The following HIPK2 variants were observed in gnomAD, a reference collection of about 807,000 sequenced individuals.
HIPK2 encodes homeodomain interacting protein kinase 2, also known as homeodomain-interacting protein kinase 2.
In HIPK2, 27 loss-of-function variants were observed where a neutral mutation model predicts 113.7. The observed-to-expected ratio is 0.24, with a 90% CI of 0.17 to 0.33. The LOEUF (loss-of-function observed/expected upper bound fraction) is 0.33, where lower values mean the gene tolerates loss of function less well. HIPK2 is among the 10% of genes least tolerant of loss of function. The pLI, the probability that HIPK2 is intolerant of heterozygous loss-of-function variation, is 1.00. For synonymous variants in HIPK2, 631 were observed against 642.2 expected, an observed-to-expected ratio of 0.98 and a Z score of 0.26; for missense variants, 1,257 against 1,588.0, an observed-to-expected ratio of 0.79 and a Z score of 3.54.
In HIPK2 at chr7:139,630,171, T is replaced by C. The variant is rs916797046; in HGVS notation, c.1347+994A>G. 2.0e-5 allele frequency among the ~76,000 whole-genome samples: 3 copies of C among 152,202 alleles called. No homozygotes were observed. The highest frequency in any genetic ancestry group is 4.4e-5 in the Non-Finnish European group (3 of 68,046). On this transcript the variant is annotated intron_variant, in intron 4 of 14. Coordinates refer to ENST00000406875, the MANE Select transcript of HIPK2 (RefSeq NM_022740.5). The surrounding 1 kb of genome is among the most constrained non-coding windows in gnomAD (Gnocchi z 4.0). ...TACCAGGAAAATACTTTGATTTTAA[T>C]TGCTAGGCACAGATCAAAGTGAAAG...
chr7:139,640,695 G>A (rs1056994436), intron 2 of HIPK2, among the ~76,000 whole-genome samples: 1 of 151,912 alleles, frequency 6.6e-6, no homozygotes, highest in African/African-American at 2.4e-5. Flanking sequence ...TGTTGTCCAG[G>A]CTGGAGTGCA....
chr7:139,562,533 G>C lies in HIPK2; in HGVS notation c.*10394C>G, dbSNP rs1015078824. ...TTTGGAAACGTGACAGAGTATCAGA[G>C]GCTGCAGCTCAGTACACGTGGTCAA... is the stretch of plus-strand genomic sequence containing the variant. On this transcript the variant is annotated 3_prime_UTR_variant, in exon 15 of 15. Coordinates refer to ENST00000406875, the MANE Select transcript of HIPK2 (RefSeq NM_022740.5). 1 of 152,222 alleles carries C rather than the reference G, an allele frequency of 6.6e-6. No individual in the cohort carries two copies. The highest frequency in any genetic ancestry group is 1.5e-5 in the Non-Finnish European group (1 of 68,060). The allele number at this position is 152,222 out of a possible 1,614,324, so 9.4% of individuals were successfully genotyped here.
At chr7:139,650,293 T>A (rs930908052) in intron 2 of HIPK2, among the ~76,000 whole-genome samples, 1 of 139,758 alleles carries the variant, frequency 7.2e-6, no homozygotes, top group East Asian at 2.1e-4. Flanking sequence ...GAGGTTGCAG[T>A]GAGCCAAGAT....
chr7:139,633,757 C>A (rs1258979569), intron 2 of HIPK2, among the ~76,000 whole-genome samples: 1 of 151,882 alleles, frequency 6.6e-6, no homozygotes, highest in African/African-American at 2.4e-5. Flanking sequence ...CCAGCCTGGT[C>A]AACATGGTGA....
chr7:139,569,222 C>T lies in HIPK2; in HGVS notation c.*3705G>A, dbSNP rs1288153697. ...CAGGGGGAGGGGGCAGGCTGAGGAACTGGGTGGTGTGGTGAAATTTCCTGG... is the reference window on the plus strand; with the variant it reads ...CAGGGGGAGGGGGCAGGCTGAGGAATTGGGTGGTGTGGTGAAATTTCCTGG... On this transcript the variant is annotated 3_prime_UTR_variant, in exon 15 of 15. Transcript: ENST00000406875. The T allele has an allele frequency of 6.6e-6, 1 of 152,222 alleles. No homozygotes were observed. The highest frequency in any genetic ancestry group is 1.5e-5 in the Non-Finnish European group (1 of 68,108). The allele number at this position is 152,222 out of a possible 1,614,324, so 9.4% of individuals were successfully genotyped here.
At chr7:139,690,712 C>A (rs183608150) in intron 2 of HIPK2, among the ~76,000 whole-genome samples, 1 of 152,092 alleles carries the variant, frequency 6.6e-6, no homozygotes, top group Non-Finnish European at 1.5e-5. Flanking sequence ...CCTGGCACTC[C>A]CCTGCCCCCG....
intron 1 of HIPK2, among the ~76,000 whole-genome samples, chr7:139,764,702 A>G (rs1796524526): frequency 6.6e-6 from 1 of 152,238 alleles, no homozygotes; most frequent in Non-Finnish European, 1.5e-5. Flanking sequence ...TAGAGGGAGC[A>G]TTGAAAACCT....
At chr7:139,755,941 G>T (rs1796355553) in intron 1 of HIPK2, among the ~76,000 whole-genome samples, 1 of 152,108 alleles carries the variant, frequency 6.6e-6, no homozygotes. Context: ...ATTCCTTTCA[G>T]ACAAATGTTT....
rs1287025085 is a variant in HIPK2, at chr7:139,572,095, A to T, written c.*832T>A. ...ACGCTACGCGACTAGGGGTGGATTC[A>T]AAGAGAAAATACATTTTCAGAAAAG... On this transcript the variant is annotated 3_prime_UTR_variant, in exon 15 of 15. Coordinates refer to ENST00000406875, the MANE Select transcript of HIPK2 (RefSeq NM_022740.5). 1 of 152,286 alleles carries T rather than the reference A, an allele frequency of 6.6e-6. No homozygotes were observed. Among genetic ancestry groups the T allele is most frequent in the Non-Finnish European group, 1.5e-5 (1 of 68,056 alleles). 9.4% of individuals were successfully genotyped at this position (152,286 alleles called of 1,614,324 possible).
intron 2 of HIPK2, among the ~76,000 whole-genome samples, chr7:139,666,208 T>C (rs920178086): frequency 2.6e-5 from 4 of 152,116 alleles, no homozygotes; most frequent in Non-Finnish European, 5.9e-5. Context: ...TTGTTCCTCC[T>C]TCAAAGAAAA....
intron 1 of HIPK2, among the ~76,000 whole-genome samples, chr7:139,752,106 T>G (rs1231866395): frequency 6.6e-6 from 1 of 152,218 alleles, no homozygotes; most frequent in Non-Finnish European, 1.5e-5. Flanking sequence ...CTCACAACCT[T>G]GCTTTTCTCT....
At chr7:139,654,575 T>TAAA (rs1801590322) in intron 2 of HIPK2, among the ~76,000 whole-genome samples, 1 of 152,098 alleles carries the variant, frequency 6.6e-6, no homozygotes, top group African/African-American at 2.4e-5. Context: ...TTTGGAACTG[T>TAAA]TTAATGCATT....
At chr7:139,645,718 A>G (rs1212925929) in intron 2 of HIPK2, among the ~76,000 whole-genome samples, 2 of 152,160 alleles carry the variant, frequency 1.3e-5, no homozygotes, top group Non-Finnish European at 2.9e-5. Flanking sequence ...CGTGCACGCC[A>G]TCAAACCAGC....
chr7:139,611,178 G>C (rs1799804048), intron 9 of HIPK2, among the ~76,000 whole-genome samples: 1 of 152,164 alleles, frequency 6.6e-6, no homozygotes, highest in African/African-American at 2.4e-5. Context: ...ACTCGTGTGG[G>C]TAACAACAAG....
intron 12 of HIPK2, among the ~76,000 whole-genome samples, chr7:139,585,119 A>T (rs900279778): frequency 1.3e-5 from 2 of 152,256 alleles, no homozygotes; most frequent in African/African-American, 4.8e-5. Context: ...TTTTTAAGAA[A>T]TAAAAATTGC....
At chr7:139,672,535 G>A (rs182530581) in intron 2 of HIPK2, among the ~76,000 whole-genome samples, 208 of 152,100 alleles carry the variant, frequency 1.4e-3, no homozygotes, top group Admixed American at 2.2e-3. Flanking sequence ...GCGCGATCTC[G>A]GCTCACTGCA....
chr7:139,637,190 T>C (rs1000819285), intron 2 of HIPK2, among the ~76,000 whole-genome samples: 4 of 152,176 alleles, frequency 2.6e-5, no homozygotes, highest in African/African-American at 9.6e-5. Flanking sequence ...GCCTTTCCAC[T>C]TGTCTCTCCC....
Position 139,620,382 on chromosome 7 carries a change from C to T in HIPK2, c.1782+19G>A. The T allele has an allele frequency of 6.2e-7, 1 of 1,613,710 alleles. No homozygotes were observed. Among genetic ancestry groups the T allele is most frequent in the South Asian group, 1.1e-5 (1 of 91,056 alleles). On this transcript the variant is annotated intron_variant, in intron 7 of 14. Coordinates refer to ENST00000406875, the MANE Select transcript of HIPK2 (RefSeq NM_022740.5). ...CACTGTGCAGCCCCGCCTCTCCTTC[C>T]CTTCTGTTTCCCACTTACCTGGTTG...
At chr7:139,694,815 C>G (rs1284928664) in intron 2 of HIPK2, among the ~76,000 whole-genome samples, 1 of 152,146 alleles carries the variant, frequency 6.6e-6, no homozygotes, top group African/African-American at 2.4e-5. Context: ...CCTGTTAACC[C>G]CAGGACAGGT....
Sources: allele counts gnomAD v4.1 joint callset (sites outside exome capture counted in the v4.1 genomes callset), GRCh38; gene constraint gnomAD v4.1.1; non-coding constraint Gnocchi (gnomAD v3.1); transcripts MANE v1.5; gene names NCBI Gene and HGNC (gene_info 2026-07-23, HGNC 2026-07-21).